The following RIMS2 variants were observed in gnomAD, a reference collection of about 807,000 sequenced individuals.
RIMS2 encodes regulating synaptic membrane exocytosis protein 2.
RIMS2 carries 59 observed loss-of-function variants against 174.4 expected under a neutral mutation model. That is an observed-to-expected ratio of 0.34 (90% CI 0.27 to 0.42). The LOEUF (loss-of-function observed/expected upper bound fraction) is 0.42. RIMS2 is among the 10% of genes least tolerant of loss of function. The pLI is 1.00. For missense variants in RIMS2, 1,620 were observed against 1,666.3 expected (o/e 0.97, Z 0.48); for synonymous variants, 606 against 572.5 (o/e 1.06, Z -0.84).
chr8:103,797,756 G>T (rs549587786), intron 3 of RIMS2, among the ~76,000 whole-genome samples: 1 of 152,112 alleles, frequency 6.6e-6, no homozygotes, highest in Non-Finnish European at 1.5e-5. Flanking sequence ...GCTTTAACCT[G>T]TCACATTCTA....
rs928454157 is a variant in RIMS2, at chr8:103,655,735, A to C, written c.177-41351A>C. Among the ~76,000 whole-genome samples, 17 of 152,098 alleles carry C rather than the reference A, an allele frequency of 1.1e-4. 1 individual carries two copies. The highest frequency in any genetic ancestry group is 1.1e-3 in the Admixed American group (17 of 15,250). On this transcript the variant is annotated intron_variant, in intron 1 of 23. Transcript: ENST00000504942. ...TGATATGTGAGAGTCTTTAAGTAGC[A>C]AGGGACACAAAGAAGACCAAGATGG...
intron 1 of RIMS2, among the ~76,000 whole-genome samples, chr8:103,529,572 T>G (rs1049424381): frequency 2.6e-5 from 4 of 152,206 alleles, no homozygotes; most frequent in African/African-American, 7.2e-5. Flanking sequence ...CCCTTCTGCT[T>G]CCCGGGTGAG....
intron 19 of RIMS2, among the ~76,000 whole-genome samples, chr8:104,185,836 C>T (rs1399460516): frequency 1.3e-5 from 2 of 151,460 alleles, no homozygotes; most frequent in African/African-American, 2.4e-5. Context: ...TCTGAAATAA[C>T]TAAAAATCGA....
At chr8:103,612,186 TC>T (rs2095392848) in intron 1 of RIMS2, among the ~76,000 whole-genome samples, 1 of 152,206 alleles carries the variant, frequency 6.6e-6, no homozygotes, top group Non-Finnish European at 1.5e-5. Flanking sequence ...TTGAATTCCT[TC>T]CCTGTGTTAT....
chr8:103,750,354 A>G (rs1564498903), intron 2 of RIMS2, among the ~76,000 whole-genome samples: 1 of 152,182 alleles, frequency 6.6e-6, no homozygotes, highest in Admixed American at 6.5e-5. Flanking sequence ...CAAATATACT[A>G]TCAGTTGACA....
intron 19 of RIMS2, among the ~76,000 whole-genome samples, chr8:104,104,428 G>A (rs888027154): frequency 5.9e-5 from 9 of 152,160 alleles, no homozygotes; most frequent in Non-Finnish European, 2.9e-5. Context: ...GATGGATGGG[G>A]TTGTTGGAAA....
intron 19 of RIMS2, among the ~76,000 whole-genome samples, chr8:104,173,131 C>T (rs890393214): frequency 1.3e-5 from 2 of 152,038 alleles, no homozygotes; most frequent in African/African-American, 2.4e-5. Context: ...AACAATGCCT[C>T]CTCTCATTTT....
rs74493766 is a variant in RIMS2, at chr8:103,575,885, TTC to T, written c.176+74825_176+74826del. Among the ~76,000 whole-genome samples the T allele has an allele frequency of 3.9e-3, 596 of 152,210 alleles. 13 individuals carry two copies. The highest frequency in any genetic ancestry group is 4.7e-3 in the Non-Finnish European group (318 of 68,002). Reference sequence around the variant, plus strand: ...CCTAAAGTTTCCCCAAAACTACAGTTTCTACACTGGAAAAAGTGAGATCAAGG... The same window carrying T: ...CCTAAAGTTTCCCCAAAACTACAGTTTACACTGGAAAAAGTGAGATCAAGG... On this transcript the variant is annotated intron_variant, in intron 1 of 23. Coordinates refer to ENST00000504942, the Ensembl canonical transcript of RIMS2.
At chr8:104,111,342 C>T (rs1015706827) in intron 19 of RIMS2, among the ~76,000 whole-genome samples, 22 of 152,172 alleles carry the variant, frequency 1.4e-4, no homozygotes, top group Non-Finnish European at 3.2e-4. Flanking sequence ...TGGGGAATCA[C>T]TTCAAACAAA....
chr8:103,926,713 T>C (rs1472524148), intron 10 of RIMS2, among the ~76,000 whole-genome samples: 18 of 151,510 alleles, frequency 1.2e-4, no homozygotes, highest in East Asian at 1.9e-4. Flanking sequence ...ATGTGAGGAA[T>C]GGGATGGAAT....
At chr8:103,610,097 C>T (rs779566612) in intron 1 of RIMS2, among the ~76,000 whole-genome samples, 5 of 151,916 alleles carry the variant, frequency 3.3e-5, no homozygotes, top group African/African-American at 7.3e-5. Flanking sequence ...GTGGCAGTTG[C>T]GAATGGAACT....
At chr8:103,515,236 T>C (rs1286304864) in intron 1 of RIMS2, among the ~76,000 whole-genome samples, 1 of 152,216 alleles carries the variant, frequency 6.6e-6, no homozygotes, top group African/African-American at 2.4e-5. Flanking sequence ...AGGACTCATA[T>C]TGTAACATTT....
intron 5 of RIMS2, among the ~76,000 whole-genome samples, chr8:103,911,140 A>T (rs1215954423): frequency 6.6e-6 from 1 of 152,172 alleles, no homozygotes; most frequent in African/African-American, 2.4e-5. Flanking sequence ...ATATAGATGT[A>T]ATTGACTGGA....
chr8:103,885,188 AAAAAGGCAAAAGG>A, intron 3 of RIMS2, 97 bp from the exon 7 acceptor site: 1 of 1,410,634 alleles, frequency 7.1e-7, no homozygotes, highest in Non-Finnish European at 9.3e-7. Context: ...ATGAAATTTT[AAAAAGGCAAAAGG>A]ACTACTTAGT....
Position 103,659,719 on chromosome 8 carries a change from G to A in RIMS2, c.177-37367G>A, listed in dbSNP as rs73284488. On this transcript the variant is annotated intron_variant, in intron 1 of 23. Coordinates refer to ENST00000504942, the Ensembl canonical transcript of RIMS2. The stretch of plus-strand genomic sequence containing the variant: ...CCCTGTTGGTGCTCTTCAGAAACTG[G>A]TGGTGCAGAAAGGCTGGTGGTTGCC... 5.0e-3 allele frequency among the ~76,000 whole-genome samples: 765 copies of A among 152,282 alleles called. 8 individuals are homozygous for A. Among genetic ancestry groups the A allele is most frequent in the African/African-American group, 0.017 (726 of 41,554 alleles).
At chr8:103,802,402 A>G (rs1343374209) in intron 3 of RIMS2, among the ~76,000 whole-genome samples, 1 of 152,150 alleles carries the variant, frequency 6.6e-6, no homozygotes, top group East Asian at 1.9e-4. Flanking sequence ...CTTTTATGGT[A>G]ATATTAATGC....
At chr8:104,071,707 A>T (rs1466233394) in intron 19 of RIMS2, among the ~76,000 whole-genome samples, 11 of 152,132 alleles carry the variant, frequency 7.2e-5, no homozygotes, top group Non-Finnish European at 1.5e-5. Context: ...AAGTGCTGGG[A>T]TTACAGGCAT....
intron 17 of RIMS2, among the ~76,000 whole-genome samples, chr8:103,992,575 T>A (rs1286106084): frequency 2.6e-5 from 4 of 152,126 alleles, no homozygotes; most frequent in South Asian, 2.1e-4. Context: ...AAGATGCTAT[T>A]TGATATTCAT....
chr8:103,765,466 A>G (rs1439634877), intron 2 of RIMS2, among the ~76,000 whole-genome samples: 1 of 152,202 alleles, frequency 6.6e-6, no homozygotes, highest in Non-Finnish European at 1.5e-5. Context: ...GAATATACTT[A>G]CTGCTACTGA....
Sources: allele counts gnomAD v4.1 joint callset (sites outside exome capture counted in the v4.1 genomes callset), GRCh38; gene constraint gnomAD v4.1.1; transcripts MANE v1.5; gene names NCBI Gene and HGNC (gene_info 2026-07-23, HGNC 2026-07-21).